Variants in NEO1 observed in about 807,000 individuals in gnomAD.
NEO1 encodes the protein neogenin 1, also known as neogenin.
Under a neutral mutation model 159.7 loss-of-function variants are expected in NEO1, and 63 were observed. The observed-to-expected ratio is 0.39, with a 90% confidence interval of 0.32 to 0.49. The LOEUF (loss-of-function observed/expected upper bound fraction) is 0.49. Among genes scored for constraint, NEO1 ranks in the 20% least tolerant of loss-of-function variants. NEO1 has a pLI of 0.85. For missense variants in NEO1, 1,615 were observed against 1,831.0 expected (o/e 0.88, Z 2.15); for synonymous variants, 633 against 662.0 (o/e 0.96, Z 0.67).
chr15:73,265,114 TCA>T (rs2040825180), intron 15 of NEO1, among the ~76,000 whole-genome samples: 1 of 152,066 alleles, frequency 6.6e-6, no homozygotes, highest in East Asian at 1.9e-4. Context: ...AACACAGTGC[TCA>T]GTGAACTGAT....
At chr15:73,271,918 A>AC (rs2041189748) in intron 18 of NEO1, among the ~76,000 whole-genome samples, 1 of 152,088 alleles carries the variant, frequency 6.6e-6, no homozygotes, top group Non-Finnish European at 1.5e-5. Flanking sequence ...AAAAAAAAAA[A>AC]AAAAAAACAG....
intron 5 of NEO1, among the ~76,000 whole-genome samples, chr15:73,172,985 C>T (rs1277854572): frequency 2.6e-5 from 4 of 152,218 alleles, no homozygotes; most frequent in Admixed American, 6.5e-5. Flanking sequence ...AACTTTGGCA[C>T]GAGTGACTGC....
At chr15:73,124,129 C>A (rs1596063965) in intron 3 of NEO1, among the ~76,000 whole-genome samples, 1 of 152,272 alleles carries the variant, frequency 6.6e-6, no homozygotes, top group East Asian at 1.9e-4. Flanking sequence ...GTGGTGCGAT[C>A]TTGGTTCGCT....
At chr15:73,163,108 T>G (rs2034309388) in intron 5 of NEO1, among the ~76,000 whole-genome samples, 1 of 152,238 alleles carries the variant, frequency 6.6e-6, no homozygotes, top group Admixed American at 6.5e-5. Flanking sequence ...TAGGTACGTA[T>G]CTATTTTATT....
At chr15:73,070,597 A>T (rs1191136657) in intron 1 of NEO1, among the ~76,000 whole-genome samples, 1 of 152,202 alleles carries the variant, frequency 6.6e-6, no homozygotes, top group Non-Finnish European at 1.5e-5. Context: ...TATCCATGGG[A>T]GATACATTCC....
intron 1 of NEO1, among the ~76,000 whole-genome samples, chr15:73,112,191 G>A (rs901474119): frequency 1.3e-5 from 2 of 151,924 alleles, no homozygotes; most frequent in African/African-American, 4.8e-5. Flanking sequence ...CAACTGAAAT[G>A]TAGCCCACTC....
At chr15:73,102,201 A>G (rs2070439030) in intron 1 of NEO1, among the ~76,000 whole-genome samples, 1 of 152,066 alleles carries the variant, frequency 6.6e-6, no homozygotes, top group Admixed American at 6.6e-5. Flanking sequence ...CCCCATCTCT[A>G]CTAAAAATAC....
At chr15:73,110,249 T>C (rs369586169) in intron 1 of NEO1, among the ~76,000 whole-genome samples, 15 of 152,260 alleles carry the variant, frequency 9.9e-5, no homozygotes, top group African/African-American at 3.1e-4. Flanking sequence ...TAGGAAGTCC[T>C]TTGACAGTAG....
intron 16 of NEO1, among the ~76,000 whole-genome samples, chr15:73,268,068 C>A (rs895844783): frequency 6.6e-6 from 1 of 152,064 alleles, no homozygotes; most frequent in African/African-American, 2.4e-5. Flanking sequence ...TGCCATTAGA[C>A]CCAGAACATC....
chr15:73,137,823 A>T (rs901394515), intron 5 of NEO1, among the ~76,000 whole-genome samples: 1 of 152,142 alleles, frequency 6.6e-6, no homozygotes, highest in Non-Finnish European at 1.5e-5. Flanking sequence ...TTGATGAGCA[A>T]ACTCATGAAT....
At chr15:73,123,081 C>T (rs1455800066) in intron 3 of NEO1, among the ~76,000 whole-genome samples, 1 of 150,974 alleles carries the variant, frequency 6.6e-6, no homozygotes, top group Non-Finnish European at 1.5e-5. Context: ...TACTTGAACC[C>T]GGGAGGTGGA....
chr15:73,106,700 G>A (rs1237806034), intron 1 of NEO1, among the ~76,000 whole-genome samples: 1 of 152,178 alleles, frequency 6.6e-6, no homozygotes, highest in Non-Finnish European at 1.5e-5. Context: ...ATGACTTTGG[G>A]CAAATTCTTC....
intron 6 of NEO1, 96 bp downstream of exon 6, chr15:73,176,653 T>C (rs996751043): frequency 1.2e-6 from 1 of 841,364 alleles, no homozygotes; most frequent in Non-Finnish European, 1.7e-6. Context: ...TATACTAGTT[T>C]GTGTACTGCA....
intron 7 of NEO1, among the ~76,000 whole-genome samples, chr15:73,234,918 A>G (rs1016094589): frequency 6.6e-6 from 1 of 152,186 alleles, no homozygotes; most frequent in African/African-American, 2.4e-5. Context: ...TGATTTAGCA[A>G]TGTCAGTCTC....
At chr15:73,176,582 T>G in intron 6 of NEO1, 25 bp downstream of exon 6, 1 of 1,569,666 alleles carries the variant, frequency 6.4e-7, no homozygotes, top group South Asian at 1.2e-5. Context: ...AAGAAGTGTG[T>G]TTATTTCTGT....
chr15:73,130,890 G>A (rs888666063), intron 4 of NEO1, among the ~76,000 whole-genome samples: 1 of 152,204 alleles, frequency 6.6e-6, no homozygotes, highest in African/African-American at 2.4e-5. Flanking sequence ...ACAATAATGA[G>A]ACAATCCTAC....
chr15:73,293,932 A>G (rs1312908477), intron 26 of NEO1, among the ~76,000 whole-genome samples: 6 of 152,144 alleles, frequency 3.9e-5, no homozygotes, highest in Non-Finnish European at 7.3e-5. Context: ...TCACTGTAAC[A>G]TTGGGTAGGT....
chr15:73,241,617 C>T (rs1443119502), intron 8 of NEO1, among the ~76,000 whole-genome samples: 2 of 152,162 alleles, frequency 1.3e-5, no homozygotes, highest in Non-Finnish European at 2.9e-5. Context: ...AACTTCCAGC[C>T]CAGTGCTTTC....
intron 7 of NEO1, among the ~76,000 whole-genome samples, chr15:73,201,583 T>C (rs1390301158): frequency 6.6e-6 from 1 of 152,168 alleles, no homozygotes; most frequent in Non-Finnish European, 1.5e-5. Flanking sequence ...TCAATTGATA[T>C]AGATGACTGT....
Sources: allele counts gnomAD v4.1 joint callset (sites outside exome capture counted in the v4.1 genomes callset), GRCh38; gene constraint gnomAD v4.1.1; transcripts MANE v1.5; gene names NCBI Gene and HGNC (gene_info 2026-07-23, HGNC 2026-07-21).